Variants in FER observed in about 807,000 individuals in gnomAD.
FER encodes tyrosine-protein kinase Fer.
In FER, 63 loss-of-function variants were observed where a neutral mutation model predicts 111.0. That is an observed-to-expected ratio of 0.57 (90% CI 0.46 to 0.70). The LOEUF (loss-of-function observed/expected upper bound fraction) is 0.70, where lower values mean the gene tolerates loss of function less well. FER is among the 30% of genes least tolerant of loss of function. The pLI is 0.00. For missense variants in FER, 914 were observed against 954.0 expected, an observed-to-expected ratio of 0.96 and a Z score of 0.55; for synonymous variants, 327 against 313.9, an observed-to-expected ratio of 1.04 and a Z score of -0.44.
rs183947641 is a variant in FER, at chr5:108,931,240, A to C, written c.1237-14890A>C. Among the ~76,000 whole-genome samples, 182 of 152,316 alleles carry C rather than the reference A, an allele frequency of 1.2e-3. 2 individuals are homozygous for C. The highest frequency in any genetic ancestry group is 9.7e-4 in the Non-Finnish European group (66 of 68,030). On this transcript the variant is annotated intron_variant, in intron 10 of 19. Transcript: ENST00000281092. ...GTATTCTCTTTTCAACAGAGACTTC[A>C]AATGGTATATTGTGACTATTATCTT...
intron 8 of FER, among the ~76,000 whole-genome samples, chr5:108,882,254 A>G (rs1010053381): frequency 2.6e-5 from 4 of 151,924 alleles, no homozygotes; most frequent in African/African-American, 9.7e-5. Context: ...ATCTGTGCCA[A>G]TTTTTTCACA....
intron 5 of FER, among the ~76,000 whole-genome samples, chr5:108,858,640 C>A (rs1477072393): frequency 6.6e-6 from 1 of 152,002 alleles, no homozygotes; most frequent in African/African-American, 2.4e-5. Context: ...ATAGGGAACT[C>A]AATCATTTTT....
Position 109,189,438 on chromosome 5 carries a change from T to TCTCTA in FER, c.*1863_*1864insCTCTA, listed in dbSNP as rs1470295083. ...CAGAACTCACACCAGTACTTTAGAGTATGAAAGATAATACTGAAGAGAAAA... is the reference window on the plus strand; with the variant it reads ...CAGAACTCACACCAGTACTTTAGAGTCTCTAATGAAAGATAATACTGAAGAGAAAA... On this transcript the variant is annotated 3_prime_UTR_variant, in exon 20 of 20. Coordinates refer to ENST00000281092, the MANE Select transcript of FER (RefSeq NM_005246.4). 2 of 152,170 alleles carry TCTCTA rather than the reference T, an allele frequency of 1.3e-5. No individual in the cohort carries two copies. Among genetic ancestry groups the TCTCTA allele is most frequent in the Non-Finnish European group, 2.9e-5 (2 of 68,036 alleles). The allele number at this position is 152,170 out of a possible 1,614,324, so 9.4% of individuals were successfully genotyped here. A position where few individuals can be genotyped will look rare whatever the true frequency, so the allele number is the denominator to read the frequency against.
At chr5:108,811,276 G>A (rs1407736083) in intron 3 of FER, among the ~76,000 whole-genome samples, 1 of 152,210 alleles carries the variant, frequency 6.6e-6, no homozygotes, top group Non-Finnish European at 1.5e-5. Flanking sequence ...CTAGAGATCT[G>A]CCTGGGTATG....
intron 11 of FER, 147 bp downstream of exon 11, chr5:108,946,369 T>C (rs866248240): frequency 1.2e-4 from 64 of 517,378 alleles, no homozygotes; most frequent in Non-Finnish European, 1.7e-4. Context: ...GAAAGATAAG[T>C]GCATAATTTA....
At chr5:109,034,786 G>A (rs950788901) in intron 13 of FER, among the ~76,000 whole-genome samples, 8 of 152,096 alleles carry the variant, frequency 5.3e-5, no homozygotes, top group Non-Finnish European at 1.0e-4. Flanking sequence ...TGGAAAAGCT[G>A]TCCAAGAATC....
rs149584197 is a variant in FER, at chr5:108,857,585, T to G, written c.482-10182T>G. Among the ~76,000 whole-genome samples, 18 of 152,262 alleles carry G rather than the reference T, an allele frequency of 1.2e-4. No individual in the cohort carries two copies. In the East Asian group the frequency reaches 3.1e-3, roughly 26 times the overall value. On this transcript the variant is annotated intron_variant, in intron 5 of 19. Coordinates refer to ENST00000281092, the MANE Select transcript of FER (RefSeq NM_005246.4). ...ACTCTTCAGATTTTCACCCACTAGTTTTTATGTCTATCAATGGTTCCTGCC... is the reference window on the plus strand; with the variant it reads ...ACTCTTCAGATTTTCACCCACTAGTGTTTATGTCTATCAATGGTTCCTGCC...
intron 17 of FER, among the ~76,000 whole-genome samples, chr5:109,146,565 C>T (rs1315708021): frequency 1.3e-5 from 2 of 151,552 alleles, no homozygotes; most frequent in Non-Finnish European, 2.9e-5. Context: ...GTAACATTTC[C>T]TTGTATGGCA....
chr5:109,028,620 G>T (rs1769121374), intron 13 of FER, among the ~76,000 whole-genome samples: 1 of 152,108 alleles, frequency 6.6e-6, no homozygotes, highest in Non-Finnish European at 1.5e-5. Context: ...CTGGCTTGAT[G>T]GTGTCACTAA....
At chr5:109,152,520 G>A (rs1051340913) in intron 17 of FER, among the ~76,000 whole-genome samples, 5 of 151,940 alleles carry the variant, frequency 3.3e-5, no homozygotes, top group African/African-American at 4.8e-5. Flanking sequence ...TTTAGGACTC[G>A]TGTAGCCCTC....
intron 17 of FER, among the ~76,000 whole-genome samples, chr5:109,152,658 A>G (rs1475344582): frequency 2.6e-5 from 4 of 152,014 alleles, no homozygotes; most frequent in Non-Finnish European, 5.9e-5. Flanking sequence ...GCAAGTATTT[A>G]TAGAATAACT....
chr5:108,817,427 G>A (rs912173931), intron 3 of FER, among the ~76,000 whole-genome samples: 1 of 152,114 alleles, frequency 6.6e-6, no homozygotes, highest in South Asian at 2.1e-4. Context: ...TTGAGTTATT[G>A]TGTAGTGCAC....
chr5:108,832,930 C>T lies in FER; in HGVS notation c.368C>T (p.Ala123Val), dbSNP rs1427923023. 6.4e-7 allele frequency: 1 copy of T among 1,569,222 alleles called. No homozygotes were observed. The highest frequency in any genetic ancestry group is 2.3e-5 in the East Asian group (1 of 43,896). ...ATAGGTGTTCATCAGCAGATAGAGG[C>T]AGAGATGATCAAGGTTCGTTTTTCC... Reference protein sequence around the residue: ...SYIGVHQQIEAEMIKVTKTEL... With the variant: ...SYIGVHQQIEVEMIKVTKTEL... Residue 123 changes from alanine (A) to valine (V), a missense_variant, in exon 4 of 20, where the codon GCA becomes GTA. By Grantham distance (64) the Ala-to-Val change is moderately conservative. Transcript: ENST00000281092.
At chr5:109,186,487 C>CCAAA (rs1312646132) in intron 19 of FER, among the ~76,000 whole-genome samples, 165 bp downstream of exon 19, 2 of 152,196 alleles carry the variant, frequency 1.3e-5, no homozygotes, top group African/African-American at 2.4e-5. Context: ...TGCTCTTTAT[C>CCAAA]CAAACACTTT....
intron 15 of FER, 137 bp from the exon 16 acceptor site, chr5:109,046,967 A>G: frequency 1.9e-6 from 1 of 521,778 alleles, no homozygotes; most frequent in African/African-American, 2.0e-5. Context: ...CCAATTTATC[A>G]TAATTTGGGG....
At chr5:109,087,087 G>C (rs2150034192) in intron 16 of FER, among the ~76,000 whole-genome samples, 1 of 150,548 alleles carries the variant, frequency 6.6e-6, no homozygotes, top group Non-Finnish European at 1.5e-5. Context: ...AGGTACTGAG[G>C]GTTAGGACTT....
chr5:108,918,532 G>T (rs1194614701), intron 10 of FER, among the ~76,000 whole-genome samples: 3 of 150,010 alleles, frequency 2.0e-5, no homozygotes, highest in South Asian at 2.1e-4. Flanking sequence ...TGTTGCCCAG[G>T]CTGGAGTGCA....
rs1167214280 is a variant in FER, at chr5:109,188,095, T to G, written c.*520T>G. On this transcript the variant is annotated 3_prime_UTR_variant, in exon 20 of 20. Coordinates refer to ENST00000281092, the MANE Select transcript of FER (RefSeq NM_005246.4). The stretch of plus-strand genomic sequence containing the variant: ...GAATTATTTGGACCTCCTGAGATTT[T>G]TCTTTTCTTTCTTGCCAGGTATAAG... 6.5e-6 allele frequency: 1 copy of G among 153,446 alleles called. No homozygotes were observed. Among genetic ancestry groups the G allele is most frequent in the Non-Finnish European group, 1.4e-5 (1 of 69,062 alleles). The allele number at this position is 153,446 out of a possible 1,614,324, so 9.5% of individuals were successfully genotyped here. A position where few individuals can be genotyped will look rare whatever the true frequency, so the allele number is the denominator to read the frequency against.
At chr5:108,782,900 C>A (rs1255597410) in intron 2 of FER, 1 of 152,092 alleles carries the variant, frequency 6.6e-6, no homozygotes, top group Admixed American at 6.5e-5. Flanking sequence ...TACTGTTAGC[C>A]CTTTGTCAAA....
Sources: gnomAD v4.1 joint callset for allele counts (sites outside exome capture counted in the v4.1 genomes callset) on GRCh38, gnomAD v4.1.1 for gene constraint, MANE v1.5 for transcripts, NCBI Gene and HGNC (gene_info 2026-07-23, HGNC 2026-07-21) for gene names.